GORASP1: variants seen among roughly 807,000 people sequenced by gnomAD.
GORASP1 encodes the protein Golgi reassembly-stacking protein 1.
A neutral mutation model predicts 37.7 loss-of-function variants in GORASP1; 31 were observed. The ratio of observed to expected loss-of-function variants is 0.82; its 90% CI spans 0.62 to 1.11. The LOEUF is 1.11. Among genes scored for constraint, GORASP1 ranks in the 50% least tolerant of loss-of-function variants. The pLI is 0.00. For missense variants in GORASP1, 476 were observed against 560.7 expected, an observed-to-expected ratio of 0.85 and a Z score of 1.53; for synonymous variants, 204 against 224.8, an observed-to-expected ratio of 0.91 and a Z score of 0.83.
rs952011797 is a variant in GORASP1 at position 39,101,082 on chromosome 3, A to C, written c.369T>G (p.Pro123=). The change falls in exon 4 of 9, where the codon CCT becomes CCG. Residue 123 remains proline (P), a synonymous_variant. Transcript: ENST00000319283. ...AGGGGCGCAGGCCGGCAAGGGCAGCAGGTGAAGATGGTTCCACATCCTGGG... is the reference window on the plus strand; with the variant it reads ...AGGGGCGCAGGCCGGCAAGGGCAGCCGGTGAAGATGGTTCCACATCCTGGG... ...WHVLDVEPSS[P]AALAGLRPYT... is the part of the protein sequence containing the mutation. The C allele has an allele frequency of 2.5e-6, 4 of 1,614,052 alleles. No homozygotes were observed. The African/African-American group carries it at 5.3e-5, about 22-fold the overall frequency.
At position 39,103,971 on chromosome 3, in the gene GORASP1, T is replaced by C. The variant is rs2035881252; in HGVS notation, c.64-418A>G. 6.6e-6 allele frequency among the ~76,000 whole-genome samples: 1 copy of C among 152,032 alleles called. No homozygotes were observed. Among genetic ancestry groups the C allele is most frequent in the Non-Finnish European group, 1.5e-5 (1 of 67,972 alleles). On this transcript the variant is annotated intron_variant, in intron 1 of 8. Transcript: ENST00000319283. This position sits in a 1 kb window ranked among gnomAD's most constrained non-coding sequence, Gnocchi z 5.2. ...GGAGGGCCCTGACGTGCAGTGGAAG[T>C]GGGCAGGCCTCGGGAGGGATACACC...
At position 39,100,450 on chromosome 3, in the gene GORASP1, G is replaced by C. The variant is rs753237454; in HGVS notation, c.620C>G (p.Pro207Arg). Residue 207 changes from proline to arginine, a missense_variant, in exon 6 of 9, where the codon CCC (proline) becomes CGC (arginine). By Grantham distance (103) the Pro-to-Arg change is moderately radical. Coordinates refer to ENST00000319283, the MANE Select transcript of GORASP1 (RefSeq NM_031899.4). This position sits in a 1 kb window ranked among gnomAD's most constrained non-coding sequence, Gnocchi z 4.6. ...GCCAGGTGGCTTCTTGTGGTAGCTG[G>C]GGGGCTGAGTTGGGATCCGGTGTAG... ...GYLHRIPTQP[P>R]SYHKKPPGTP... 5 of 1,608,706 alleles carry C rather than the reference G, an allele frequency of 3.1e-6. No individual in the cohort carries two copies. The highest frequency in any genetic ancestry group is 1.1e-5 in the South Asian group (1 of 90,176).
chr3:39,107,094 C>T (rs1047395249), intron 1 of GORASP1: 1 of 473,726 alleles, frequency 2.1e-6, no homozygotes, highest in Non-Finnish European at 4.2e-6. Flanking sequence ...TCTTCCCAGG[C>T]CCAGCACGGA....
chr3:39,099,298 G>A, intron 7 of GORASP1, 55 bp downstream of exon 7: 1 of 1,606,400 alleles, frequency 6.2e-7, no homozygotes, highest in Non-Finnish European at 8.5e-7. Flanking sequence ...TGACATAGCT[G>A]CCAAAGTCCA....
At position 39,100,293 on chromosome 3, in the gene GORASP1, C is replaced by A; in HGVS notation, c.765+12G>T. ...TTTCTGTCTTCCCAGTTGGCAGATT[C>A]TCCCCACATACCTCCATGTAGTCAC... On this transcript the variant is annotated intron_variant, in intron 6 of 8. Transcript: ENST00000319283. This position sits in a 1 kb window ranked among gnomAD's most constrained non-coding sequence, Gnocchi z 4.6. The A allele has an allele frequency of 6.2e-7, 1 of 1,612,976 alleles. No individual in the cohort carries two copies.
At position 39,102,434 on chromosome 3, in the gene GORASP1, G is replaced by A; in HGVS notation, c.348+244C>T. Reference sequence around the variant, plus strand: ...TTTCAAATTAAGTAACCTAGGTATAGAAGGTAAGAAAGTACCCAAAGTCAT... The same window carrying A: ...TTTCAAATTAAGTAACCTAGGTATAAAAGGTAAGAAAGTACCCAAAGTCAT... On this transcript the variant is annotated intron_variant, in intron 3 of 8. Coordinates refer to ENST00000319283, the MANE Select transcript of GORASP1 (RefSeq NM_031899.4). The surrounding 1 kb of genome is among the most constrained non-coding windows in gnomAD (Gnocchi z 5.0). 1 of 584,136 alleles carries A rather than the reference G, an allele frequency of 1.7e-6. No homozygotes were observed. Among genetic ancestry groups the A allele is most frequent in the Non-Finnish European group, 3.1e-6 (1 of 326,236 alleles). The allele number at this position is 584,136 out of a possible 1,614,324, so 36.2% of individuals were successfully genotyped here.
In GORASP1 at chr3:39,098,831, G is replaced by C. The variant is rs1479168148; in HGVS notation, c.979C>G (p.Leu327Val). 1 of 1,614,044 alleles carries C rather than the reference G, an allele frequency of 6.2e-7. No homozygotes were observed. The stretch of plus-strand genomic sequence containing the variant: ...GTGGTCAGTTCTGTGGAAGAGGGCA[G>C]GCTGGGCCACACACTGGCATTGCTG... ...DNSNASVWPS[L>V]PSSTELTTTA... Residue 327 changes from leucine (L) to valine (V), a missense_variant, in exon 8 of 9, where the codon CTG becomes GTG. Physicochemically the swap from Leu to Val is conservative, Grantham distance 32 (BLOSUM62 1). Transcript: ENST00000319283. This position sits in a 1 kb window ranked among gnomAD's most constrained non-coding sequence, Gnocchi z 4.7.
At position 39,107,547 on chromosome 3, in the gene GORASP1, C is replaced by T. The variant is rs770961762; in HGVS notation, c.-6G>A. ...GCGCTGACGCCCAGGCCCATGGCAG[C>T]GGCTCCGCTCGGCACCCAGGTCCAG... On this transcript the variant is annotated 5_prime_UTR_variant, in exon 1 of 9. Transcript: ENST00000319283. The T allele has an allele frequency of 5.6e-5, 83 of 1,488,840 alleles. No individual in the cohort carries two copies. Among genetic ancestry groups the T allele is most frequent in the Non-Finnish European group, 5.8e-5 (65 of 1,129,730 alleles). The allele number at this position is 1,488,840 out of a possible 1,614,324, so 92.2% of individuals were successfully genotyped here.
Position 39,098,269 on chromosome 3 carries a change from C to A in GORASP1, c.1290G>T (p.Leu430=), listed in dbSNP as rs758937400. ...GLDTGTEAEG[L]DSQAQISTTE ...TGGTAGAGATCTGGGCCTGGCTGTC[C>A]AGCCCCTCAGCCTCCGTCCCAGTAT... The change falls in exon 9 of 9, where the codon CTG becomes CTT. Residue 430 remains leucine (L), a synonymous_variant. Coordinates refer to ENST00000319283, the MANE Select transcript of GORASP1 (RefSeq NM_031899.4). The surrounding 1 kb of genome is among the most constrained non-coding windows in gnomAD (Gnocchi z 4.7). 8.7e-6 allele frequency: 14 copies of A among 1,614,162 alleles called. No individual in the cohort carries two copies. Among genetic ancestry groups the A allele is most frequent in the Non-Finnish European group, 1.1e-5 (13 of 1,180,034 alleles).
chr3:39,098,814 T>C lies in GORASP1; in HGVS notation c.996A>G (p.Glu332=). ...SVWPSLPSST[E]LTTTAVSTSG... ...AGGTTGAGACAGCTGTGGTGGTCAG[T>C]TCTGTGGAAGAGGGCAGGCTGGGCC... Residue 332 remains glutamate, a synonymous_variant, in exon 8 of 9, where the codon GAA becomes GAG. Coordinates refer to ENST00000319283, the MANE Select transcript of GORASP1 (RefSeq NM_031899.4). This position sits in a 1 kb window ranked among gnomAD's most constrained non-coding sequence, Gnocchi z 4.7. 6.2e-7 allele frequency: 1 copy of C among 1,614,102 alleles called. No individual in the cohort carries two copies. Among genetic ancestry groups the C allele is most frequent in the South Asian group, 1.1e-5 (1 of 91,080 alleles).
At position 39,102,788 on chromosome 3, in the gene GORASP1, G is replaced by A. The variant is rs765374049; in HGVS notation, c.238C>T (p.Arg80Cys). 20 of 1,614,176 alleles carry A rather than the reference G, an allele frequency of 1.2e-5. No individual in the cohort carries two copies. Among genetic ancestry groups the A allele is most frequent in the Middle Eastern group, 1.6e-4 (1 of 6,062 alleles). The change falls in exon 3 of 9, where the codon CGC becomes TGC. Residue 80 changes from arginine to cysteine, a missense_variant. Transcript: ENST00000319283. The surrounding 1 kb of genome is among the most constrained non-coding windows in gnomAD (Gnocchi z 5.0). Reference protein sequence around the residue: ...EVFNMKTMRVREVEVVPSNMW... With the variant: ...EVFNMKTMRVCEVEVVPSNMW... ...TTGCTGGGCACCACCTCCACCTCGC[G>A]CACCCTCATGGTCTTCATATTGAAC... is the stretch of plus-strand genomic sequence containing the variant.
intron 6 of GORASP1, 112 bp from the exon 7 acceptor site, chr3:39,099,615 G>A (rs1049623069): frequency 8.8e-7 from 1 of 1,132,656 alleles, no homozygotes; most frequent in Non-Finnish European, 1.3e-6. Flanking sequence ...ACACTGCTCT[G>A]CCTAAAGGAA....
rs2035614740 is a variant in GORASP1, at chr3:39,100,343, A to G, written c.727T>C (p.Ser243Pro). The change falls in exon 6 of 9, where the codon TCC (serine) becomes CCC (proline). Residue 243 changes from serine to proline, a missense_variant. By Grantham distance (74) the Ser-to-Pro change is moderately conservative. Transcript: ENST00000319283. This position sits in a 1 kb window ranked among gnomAD's most constrained non-coding sequence, Gnocchi z 4.6. ...CTCTGCCTGGAACCTGTCTCCAGGG[A>G]AGGAGAGTCCTCGGGGGTGGGTCCA... ...PPGPTPEDSP[S>P]LETGSRQSDY... 4 of 1,614,154 alleles carry G rather than the reference A, an allele frequency of 2.5e-6. No individual in the cohort carries two copies. In the African/African-American group the frequency reaches 5.3e-5, roughly 22 times the overall value.
intron 1 of GORASP1, chr3:39,107,119 A>G (rs1002365981): frequency 2.1e-6 from 1 of 486,090 alleles, no homozygotes; most frequent in African/African-American, 2.0e-5. Flanking sequence ...GGCCCGCGGC[A>G]GGCGAGCGTA....
rs2035643621 is a variant in GORASP1, at chr3:39,100,706, C to T, written c.566+41G>A. The T allele has an allele frequency of 1.2e-6, 2 of 1,607,698 alleles. No homozygotes were observed. Among genetic ancestry groups the T allele is most frequent in the Non-Finnish European group, 1.7e-6 (2 of 1,177,932 alleles). ...GAGGTCCATGCCCAATGGTCAGGCC[C>T]CACCCACCTGGCCCTGCAGCCCTCC... On this transcript the variant is annotated intron_variant, in intron 5 of 8. Coordinates refer to ENST00000319283, the MANE Select transcript of GORASP1 (RefSeq NM_031899.4). This position sits in a 1 kb window ranked among gnomAD's most constrained non-coding sequence, Gnocchi z 4.6.
In GORASP1 at chr3:39,100,853, C is replaced by T. The variant is rs1303115667; in HGVS notation, c.460G>A (p.Glu154Lys). ...QESEDFFTLI[E>K]SHEGKPLKLM... is the part of the protein sequence containing the mutation. Reference sequence around the variant, plus strand: ...TTCAAGGGCTTCCCCTCATGAGACTCGATGAGCGTAAAGAAGTCCTCGGAC... The same window carrying T: ...TTCAAGGGCTTCCCCTCATGAGACTTGATGAGCGTAAAGAAGTCCTCGGAC... Residue 154 changes from glutamate (E) to lysine (K), a missense_variant, in exon 5 of 9, where the codon GAG (glutamate) becomes AAG (lysine). Coordinates refer to ENST00000319283, the MANE Select transcript of GORASP1 (RefSeq NM_031899.4). The surrounding 1 kb of genome is among the most constrained non-coding windows in gnomAD (Gnocchi z 4.6). 2.5e-6 allele frequency: 4 copies of T among 1,614,072 alleles called. No individual in the cohort carries two copies. Among genetic ancestry groups the T allele is most frequent in the East Asian group, 2.2e-5 (1 of 44,886 alleles).
At chr3:39,101,150 T>G in intron 3 of GORASP1, 48 bp from the exon 4 acceptor site, 2 of 1,564,592 alleles carry the variant, frequency 1.3e-6, no homozygotes, top group Non-Finnish European at 1.8e-6. Context: ...GAGGTGGGGT[T>G]GGGGGATGGG....
chr3:39,104,991 G>C (rs924961379), intron 1 of GORASP1, among the ~76,000 whole-genome samples: 6 of 152,258 alleles, frequency 3.9e-5, no homozygotes, highest in African/African-American at 1.4e-4. Context: ...ATCACTCCAC[G>C]TCAGGTGCCT....
intron 3 of GORASP1, among the ~76,000 whole-genome samples, chr3:39,101,846 C>T (rs1232929668): frequency 1.3e-5 from 2 of 152,200 alleles, no homozygotes; most frequent in African/African-American, 2.4e-5. Context: ...CACCAGGCTA[C>T]AGGACTGAGC....
Sources: allele counts gnomAD v4.1 joint callset (sites outside exome capture counted in the v4.1 genomes callset), GRCh38; gene constraint gnomAD v4.1.1; non-coding constraint Gnocchi (gnomAD v3.1); transcripts MANE v1.5; gene names NCBI Gene and HGNC (gene_info 2026-07-23, HGNC 2026-07-21).